The following SLC60A2 variants were observed in gnomAD, a reference collection of about 807,000 sequenced individuals.
SLC60A2 encodes major facilitator superfamily domain containing 4B.
At chr6:111,266,855 C>T in the SLC60A2 span, 2 of 1,613,910 alleles carry the variant, frequency 1.2e-6, no homozygotes, top group Admixed American at 1.7e-5. Flanking sequence ...TGCTCTCTAG[C>T]TCCGGGCTAA....
At chr6:111,265,826 A>G in the SLC60A2 span, 3 of 1,476,896 alleles carry the variant, frequency 2.0e-6, no homozygotes, top group Non-Finnish European at 2.7e-6. Flanking sequence ...TTTTTTTAAT[A>G]AGTAAGTAAC....
chr6:111,270,050 G>A, the SLC60A2 span: 1 of 152,076 alleles, frequency 6.6e-6, no homozygotes, highest in Non-Finnish European at 1.5e-5. Context: ...TGTAGACTGA[G>A]GTACGTGTTT....
the SLC60A2 span, chr6:111,265,242 A>G: frequency 1.1e-5 from 10 of 949,056 alleles, no homozygotes; most frequent in Non-Finnish European, 1.3e-5. Flanking sequence ...GGGTAGAATT[A>G]TATATTTATC....
At chr6:111,276,558 T>A in the SLC60A2 span, among the ~76,000 whole-genome samples, 1 of 152,216 alleles carries the variant, frequency 6.6e-6, no homozygotes, top group Admixed American at 6.5e-5. Flanking sequence ...CAATTTTTGT[T>A]CAGTCATTGC....
At chr6:111,270,998 G>A in the SLC60A2 span, 1 of 145,580 alleles carries the variant, frequency 6.9e-6, no homozygotes, top group Non-Finnish European at 1.5e-5. Flanking sequence ...ATGTTTGTTG[G>A]ACAGTGGGTG....
chr6:111,262,064 CTGAG>C, the SLC60A2 span, among the ~76,000 whole-genome samples: 1 of 151,300 alleles, frequency 6.6e-6, no homozygotes, highest in Non-Finnish European at 1.5e-5. Context: ...TTTTTAAAAA[CTGAG>C]AGGTGTCAAA....
At chr6:111,263,417 A>G in the SLC60A2 span, among the ~76,000 whole-genome samples, 1 of 152,128 alleles carries the variant, frequency 6.6e-6, no homozygotes, top group East Asian at 1.9e-4. Flanking sequence ...TATTTCCCAA[A>G]CTAATTTATT....
the SLC60A2 span, chr6:111,259,647 G>C: frequency 6.5e-7 from 1 of 1,547,666 alleles, no homozygotes; most frequent in Non-Finnish European, 8.7e-7. Context: ...GGTGGTGGTG[G>C]TCTCCTGGCA....
the SLC60A2 span, chr6:111,262,118 C>A: frequency 1.7e-5 from 9 of 538,842 alleles, no homozygotes; most frequent in East Asian, 9.8e-5. Context: ...ACTAAAAAAA[C>A]AGTAGTCTAA....
chr6:111,264,579 G>A, the SLC60A2 span, among the ~76,000 whole-genome samples: 1 of 151,966 alleles, frequency 6.6e-6, no homozygotes, highest in Non-Finnish European at 1.5e-5. Context: ...ACGAGGTCAG[G>A]AGATCGAGAC....
the SLC60A2 span, chr6:111,266,104 A>G: frequency 6.2e-7 from 1 of 1,614,108 alleles, no homozygotes; most frequent in East Asian, 2.2e-5. Context: ...AATGATAAGA[A>G]TTTACTGTGG....
At chr6:111,266,741 A>G in the SLC60A2 span, 3 of 1,614,210 alleles carry the variant, frequency 1.9e-6, no homozygotes, top group South Asian at 1.1e-5. Context: ...CTTTGGGAGC[A>G]TCAATAGCTA....
At chr6:111,262,194 A>G in the SLC60A2 span, 2 of 1,378,044 alleles carry the variant, frequency 1.5e-6, no homozygotes, top group African/African-American at 1.5e-5. Context: ...GGAAGAAACT[A>G]CCACATAGTT....
chr6:111,263,741 T>G, the SLC60A2 span: 1 of 654,708 alleles, frequency 1.5e-6, no homozygotes. Context: ...AAATTTGACC[T>G]GATTTTGCAT....
the SLC60A2 span, chr6:111,259,791 A>G: frequency 1.0e-3 from 1,550 of 1,493,890 alleles, 11 homozygotes; most frequent in African/African-American, 0.017. Context: ...GCCACTTGCA[A>G]ACTGACCTTG....
chr6:111,259,363 A>G, the SLC60A2 span: 340 of 337,028 alleles, frequency 1.0e-3, 2 homozygotes, highest in East Asian at 0.014. Context: ...TTTTGCCACG[A>G]ACACCTGCGG....
chr6:111,263,971 T>C, the SLC60A2 span: 1 of 1,209,524 alleles, frequency 8.3e-7, no homozygotes, highest in South Asian at 1.2e-5. Context: ...CAACGTCATC[T>C]CTGGGAGTAG....
the SLC60A2 span, chr6:111,267,075 G>T: frequency 1.2e-5 from 20 of 1,613,112 alleles, no homozygotes; most frequent in Non-Finnish European, 1.7e-5. Context: ...CAGTGCCCAT[G>T]TGAAGCACTT....
chr6:111,272,823 G>GTA, the SLC60A2 span, among the ~76,000 whole-genome samples: 12 of 151,392 alleles, frequency 7.9e-5, no homozygotes, highest in South Asian at 2.1e-4. Context: ...CTATCTAACT[G>GTA]TATATATATA....
Sources: gnomAD v4.1 joint callset for allele counts (sites outside exome capture counted in the v4.1 genomes callset) on GRCh38, gnomAD v4.1.1 for gene constraint, MANE v1.5 for transcripts, NCBI Gene and HGNC (gene_info 2026-07-23, HGNC 2026-07-21) for gene names.